Variants in ITGBL1 observed in about 807,000 individuals in gnomAD.
ITGBL1 encodes integrin beta-like protein 1.
A neutral mutation model predicts 68.5 loss-of-function variants in ITGBL1; 51 were observed. That is an observed-to-expected ratio of 0.74 (90% CI 0.59 to 0.94). The LOEUF is 0.94. Ranked by LOEUF, ITGBL1 falls within the 40% of genes least tolerant of loss-of-function variation. The pLI, the probability that ITGBL1 is intolerant of heterozygous loss-of-function variation, is 0.00. For synonymous variants in ITGBL1, 209 were observed against 227.3 expected, an observed-to-expected ratio of 0.92 and a Z score of 0.72; for missense variants, 649 against 647.4, an observed-to-expected ratio of 1.00 and a Z score of -0.03.
intron 9 of ITGBL1, among the ~76,000 whole-genome samples, chr13:101,708,064 CACACAT>C (rs1195564022): frequency 3.3e-4 from 46 of 141,134 alleles, no homozygotes; most frequent in African/African-American, 9.6e-4. Context: ...CACACACACA[CACACAT>C]ACACACAAAT....
intron 7 of ITGBL1, among the ~76,000 whole-genome samples, chr13:101,633,766 T>C (rs2032070685): frequency 6.6e-6 from 1 of 152,186 alleles, no homozygotes; most frequent in South Asian, 2.1e-4. Context: ...GTTATTATTG[T>C]GGCAAAATCT....
At chr13:101,493,995 C>T (rs960799143) in intron 2 of ITGBL1, among the ~76,000 whole-genome samples, 3 of 152,286 alleles carry the variant, frequency 2.0e-5, no homozygotes, top group African/African-American at 7.2e-5. Flanking sequence ...TTAGGTTTGT[C>T]CTTTCAATAT....
intron 6 of ITGBL1, among the ~76,000 whole-genome samples, chr13:101,588,839 T>G (rs2050603672): frequency 6.6e-6 from 1 of 152,190 alleles, no homozygotes; most frequent in South Asian, 2.1e-4. Flanking sequence ...GATTCCTTCT[T>G]TGGCATAACT....
At chr13:101,706,702 C>T (rs1300602199) in intron 8 of ITGBL1, 54 bp from the exon 9 acceptor site, 3 of 1,564,544 alleles carry the variant, frequency 1.9e-6, no homozygotes, top group African/African-American at 2.7e-5. Flanking sequence ...AAACTCTCTG[C>T]TTCAGCTGGT....
At chr13:101,671,426 G>GTGTTTTT (rs2033357634) in intron 7 of ITGBL1, among the ~76,000 whole-genome samples, 1 of 112,660 alleles carries the variant, frequency 8.9e-6, no homozygotes, top group African/African-American at 3.1e-5. Context: ...GTATACCTTT[G>GTGTTTTT]TTTTTTTTTT....
chr13:101,536,491 T>C (rs2049579225), intron 2 of ITGBL1, among the ~76,000 whole-genome samples: 1 of 152,058 alleles, frequency 6.6e-6, no homozygotes, highest in Non-Finnish European at 1.5e-5. Context: ...TTGTTGAAGC[T>C]GAGTAGTATT....
chr13:101,537,691 G>C (rs919358276), intron 2 of ITGBL1, among the ~76,000 whole-genome samples: 1 of 151,936 alleles, frequency 6.6e-6, no homozygotes, highest in Non-Finnish European at 1.5e-5. Context: ...ATTTCCCAGA[G>C]AATTAAAATT....
intron 7 of ITGBL1, among the ~76,000 whole-genome samples, chr13:101,658,087 A>G (rs1334449911): frequency 6.6e-6 from 1 of 152,222 alleles, no homozygotes; most frequent in African/African-American, 2.4e-5. Flanking sequence ...AAGTAAATTC[A>G]TCTACATTTG....
At chr13:101,539,624 C>T (rs1412152916) in intron 2 of ITGBL1, among the ~76,000 whole-genome samples, 1 of 151,596 alleles carries the variant, frequency 6.6e-6, no homozygotes, top group Non-Finnish European at 1.5e-5. Flanking sequence ...GAGGAATCGC[C>T]ACACTGACTT....
intron 8 of ITGBL1, among the ~76,000 whole-genome samples, chr13:101,699,415 T>C (rs2034079183): frequency 6.6e-6 from 1 of 152,144 alleles, no homozygotes; most frequent in African/African-American, 2.4e-5. Context: ...GAATTGTAGT[T>C]TCTATAATCC....
At chr13:101,613,072 T>A (rs2031208160) in intron 7 of ITGBL1, among the ~76,000 whole-genome samples, 1 of 152,122 alleles carries the variant, frequency 6.6e-6, no homozygotes, top group Admixed American at 6.5e-5. Flanking sequence ...TTTGTATTTT[T>A]AAAAAAACTT....
At chr13:101,545,787 C>A (rs926512836) in intron 2 of ITGBL1, among the ~76,000 whole-genome samples, 1 of 152,160 alleles carries the variant, frequency 6.6e-6, no homozygotes, top group Non-Finnish European at 1.5e-5. Context: ...TATGATTCAA[C>A]AACTAAAGGG....
chr13:101,648,756 C>T (rs2139446976), intron 7 of ITGBL1, among the ~76,000 whole-genome samples: 1 of 152,078 alleles, frequency 6.6e-6, no homozygotes, highest in South Asian at 2.1e-4. Flanking sequence ...AGAGTATATT[C>T]TGCATAATTC....
chr13:101,641,525 T>A (rs2032369032), intron 7 of ITGBL1, among the ~76,000 whole-genome samples: 1 of 121,070 alleles, frequency 8.3e-6, no homozygotes, highest in Non-Finnish European at 1.7e-5. Context: ...CTTTCTTTTT[T>A]ATTTTATTTT....
At chr13:101,488,768 G>A (rs1317066984) in intron 2 of ITGBL1, among the ~76,000 whole-genome samples, 1 of 152,144 alleles carries the variant, frequency 6.6e-6, no homozygotes, top group African/African-American at 2.4e-5. Context: ...ATGTGTGAGT[G>A]ATAATGAGAT....
At chr13:101,554,664 A>C (rs2049976382) in intron 2 of ITGBL1, among the ~76,000 whole-genome samples, 1 of 152,202 alleles carries the variant, frequency 6.6e-6, no homozygotes, top group Non-Finnish European at 1.5e-5. Flanking sequence ...GAGATGATTC[A>C]GAGAAAATTT....
chr13:101,464,888 T>G (rs1246203881), intron 2 of ITGBL1, among the ~76,000 whole-genome samples: 2 of 152,156 alleles, frequency 1.3e-5, no homozygotes, highest in Non-Finnish European at 2.9e-5. Context: ...CACTTTCAAA[T>G]TTCTGTAATG....
chr13:101,508,876 G>T lies in ITGBL1; in HGVS notation c.316+54776G>T, dbSNP rs139257225. 2.4e-3 allele frequency among the ~76,000 whole-genome samples: 371 copies of T among 152,100 alleles called. 1 individual carries two copies. The highest frequency in any genetic ancestry group is 8.7e-3 in the African/African-American group (359 of 41,500). The stretch of plus-strand genomic sequence containing the variant: ...TTATTGTAATAAACTGTATTTTAAG[G>T]TTTTTTAAAAAATTCTCTCCTTTCC... On this transcript the variant is annotated intron_variant, in intron 2 of 10. Coordinates refer to ENST00000376180, the MANE Select transcript of ITGBL1 (RefSeq NM_004791.3).
At chr13:101,687,682 G>A (rs1376050337) in intron 7 of ITGBL1, among the ~76,000 whole-genome samples, 1 of 152,000 alleles carries the variant, frequency 6.6e-6, no homozygotes, top group Non-Finnish European at 1.5e-5. Flanking sequence ...GATTTTATAT[G>A]TGCCTAAAGA....
Sources: allele counts gnomAD v4.1 joint callset (sites outside exome capture counted in the v4.1 genomes callset), GRCh38; gene constraint gnomAD v4.1.1; transcripts MANE v1.5; gene names NCBI Gene and HGNC (gene_info 2026-07-23, HGNC 2026-07-21).